The following GRIN1 variants were observed in gnomAD, a reference collection of about 807,000 sequenced individuals.
GRIN1 encodes glutamate receptor ionotropic, NMDA 1.
In GRIN1, 38 loss-of-function variants were observed where a neutral mutation model predicts 103.0. The ratio of observed to expected loss-of-function variants is 0.37; its 90% CI spans 0.28 to 0.48. The LOEUF (loss-of-function observed/expected upper bound fraction) is 0.48, where lower values mean the gene tolerates loss of function less well. GRIN1 is among the 20% of genes least tolerant of loss of function. The probability of loss-of-function intolerance (pLI) is 0.98; values close to 1 mark genes in which losing one functional copy is unlikely to be tolerated. For missense variants in GRIN1, 577 were observed against 1,288.9 expected (o/e 0.45, Z 8.46); for synonymous variants, 544 against 532.7 (o/e 1.02, Z -0.29).
At chr9:137,145,516 C>T (rs1832471529) in intron 2 of GRIN1, among the ~76,000 whole-genome samples, 1 of 82,802 alleles carries the variant, frequency 1.2e-5, no homozygotes, top group Non-Finnish European at 2.4e-5. Flanking sequence ...GAGGGGGTCC[C>T]AGGGTCTAGA....
At chr9:137,161,744 G>T (rs1833563729) in intron 10 of GRIN1, among the ~76,000 whole-genome samples, 180 bp from the exon 11 acceptor site, 1 of 150,918 alleles carries the variant, frequency 6.6e-6, no homozygotes, top group Non-Finnish European at 1.5e-5. Context: ...GGTGGGGCCC[G>T]CCCGGCGTGG....
Position 137,157,748 on chromosome 9 carries a change from A to G in GRIN1, c.969-631A>G, listed in dbSNP as rs537815270. Among the ~76,000 whole-genome samples, 10 of 152,376 alleles carry G rather than the reference A, an allele frequency of 6.6e-5. No individual in the cohort carries two copies. The South Asian group carries it at 1.9e-3, about 28-fold the overall frequency. On this transcript the variant is annotated intron_variant, in intron 6 of 19. Coordinates refer to ENST00000371561, the MANE Select transcript of GRIN1 (RefSeq NM_007327.4). The stretch of plus-strand genomic sequence containing the variant: ...TCCCCAACCACTGAGTAGCACGTGC[A>G]GAGCCACCATCCACAACGCCCACAT...
chr9:137,158,089 G>A (rs575317768), intron 6 of GRIN1, among the ~76,000 whole-genome samples: 4 of 152,326 alleles, frequency 2.6e-5, no homozygotes, highest in Middle Eastern at 3.4e-3. Flanking sequence ...TGAGGACAAC[G>A]TCCTAACCCA....
At chr9:137,164,528 C>G (rs774049382) in intron 18 of GRIN1, 1 of 174,474 alleles carries the variant, frequency 5.7e-6, no homozygotes, top group East Asian at 1.6e-4. Context: ...CTCTGGGTGC[C>G]GTCCTGGAGC....
At chr9:137,163,934 GC>G (rs759227835) in intron 18 of GRIN1, 30 bp downstream of exon 18, 3 of 1,610,328 alleles carry the variant, frequency 1.9e-6, no homozygotes, top group Non-Finnish European at 2.5e-6. Context: ...GAGGCCTGGT[GC>G]CCAGGGCCCG....
intron 19 of GRIN1, among the ~76,000 whole-genome samples, chr9:137,166,831 C>T (rs1416565806): frequency 6.6e-6 from 1 of 152,190 alleles, no homozygotes; most frequent in Non-Finnish European, 1.5e-5. Flanking sequence ...GGGGGAATAG[C>T]GCAGGGATCG....
chr9:137,142,809 C>T (rs4880216), intron 2 of GRIN1, among the ~76,000 whole-genome samples: 14 of 152,134 alleles, frequency 9.2e-5, no homozygotes, highest in South Asian at 2.1e-4. Context: ...AGCTCAGGGT[C>T]GGGGGCGCTG....
intron 4 of GRIN1, among the ~76,000 whole-genome samples, chr9:137,150,012 G>T (rs761345509): frequency 6.6e-5 from 10 of 152,244 alleles, no homozygotes; most frequent in Non-Finnish European, 1.2e-4. Context: ...GGTGGGGCCA[G>T]CCAGGGCTCC....
In GRIN1 at chr9:137,144,696, AG is replaced by A. The variant is rs546655285; in HGVS notation, c.394-1025del. 3.8e-3 allele frequency among the ~76,000 whole-genome samples: 475 copies of A among 124,134 alleles called. 10 individuals are homozygous for A. Among genetic ancestry groups the A allele is most frequent in the African/African-American group, 0.014 (447 of 31,244 alleles). The allele number at this position is 124,134 out of a possible 152,430, so 81.4% of individuals were successfully genotyped here. A position where few individuals can be genotyped will look rare whatever the true frequency, so the allele number is the denominator to read the frequency against. On this transcript the variant is annotated intron_variant, in intron 2 of 19. Coordinates refer to ENST00000371561, the MANE Select transcript of GRIN1 (RefSeq NM_007327.4). ...GGTGGGGACAGGGGTGGGAGACAGG[AG>A]GGGGTCCCAGGGTCTAGAAAGTGTC...
rs999161045 is a variant in GRIN1, at chr9:137,168,609, C to G, written c.*1082C>G. The G allele has an allele frequency of 3.0e-6, 1 of 330,988 alleles. No homozygotes were observed. The allele number at this position is 330,988 out of a possible 1,614,324, so 20.5% of individuals were successfully genotyped here. On this transcript the variant is annotated 3_prime_UTR_variant, in exon 20 of 20. Transcript: ENST00000371561. ...ACCGGCCCGCCACCTTGTACAGAAC[C>G]AGCACTCCCAGGGCCCGAGCGCGTG...
Position 137,163,244 on chromosome 9 carries a change from T to A in GRIN1, c.2247T>A (p.Thr749=), listed in dbSNP as rs754870278. The A allele has an allele frequency of 1.2e-6, 2 of 1,613,760 alleles. No homozygotes were observed. The highest frequency in any genetic ancestry group is 2.7e-5 in the African/African-American group (2 of 75,042). The change falls in exon 16 of 20, where the codon ACT becomes ACA. Residue 749 remains threonine (T), a synonymous_variant. Transcript: ENST00000371561. ...EASQKCDLVT[T]GELFFRSGFG... is the part of the protein sequence containing the mutation. ...CGCAGAAGTGCGACCTGGTGACGAC[T>A]GGAGAGCTGTTTTTCCGCTCGGGCT...
intron 18 of GRIN1, chr9:137,164,368 T>G: frequency 4.0e-6 from 1 of 251,420 alleles, no homozygotes; most frequent in South Asian, 4.5e-5. Flanking sequence ...CCAGGTCCGG[T>G]CCTGCCTGGT....
chr9:137,144,964 G>T (rs1426710640), intron 2 of GRIN1, among the ~76,000 whole-genome samples: 3 of 54,688 alleles, frequency 5.5e-5, no homozygotes, highest in South Asian at 1.0e-3. Context: ...TCCCCAGAGG[G>T]GTGGGGACAG....
At chr9:137,165,558 C>G (rs75761818) in intron 19 of GRIN1, 1 of 527,888 alleles carries the variant, frequency 1.9e-6, no homozygotes, top group African/African-American at 1.9e-5. Context: ...ATGACCCACA[C>G]GCCATCTTGA....
At chr9:137,160,935 G>T (rs1025880358) in intron 8 of GRIN1, 121 bp from the exon 9 acceptor site, 9 of 1,255,964 alleles carry the variant, frequency 7.2e-6, no homozygotes, top group Non-Finnish European at 1.0e-5. Context: ...CAGGGCGGGG[G>T]GTGTGAGGGG....
rs1588727065 is a variant in GRIN1, at chr9:137,161,150, T to C, written c.1292T>C (p.Val431Ala). ...KEEFTVNGDP[V>A]KKVICTGPND... ...GAGTTCACAGTCAACGGCGACCCAG[T>C]CAAGAAGGTGATCTGCACCGGGCCC... Residue 431 changes from valine (V) to alanine (A), a missense_variant, in exon 9 of 20, where the codon GTC becomes GCC. Around this residue, in one of 9 missense-constraint regions of GRIN1, gnomAD observed 96 missense variants for 145.0 expected, o/e 0.66. Transcript: ENST00000371561. 1 of 1,612,254 alleles carries C rather than the reference T, an allele frequency of 6.2e-7. No individual in the cohort carries two copies. The highest frequency in any genetic ancestry group is 1.3e-5 in the African/African-American group (1 of 74,860).
At chr9:137,142,991 G>C (rs1208620948) in intron 2 of GRIN1, among the ~76,000 whole-genome samples, 2 of 152,250 alleles carry the variant, frequency 1.3e-5, no homozygotes, top group Non-Finnish European at 2.9e-5. Flanking sequence ...AGAGCCATGG[G>C]GGCTTGCTCT....
chr9:137,163,439 G>T, intron 16 of GRIN1, 109 bp downstream of exon 16: 1 of 1,461,670 alleles, frequency 6.8e-7, no homozygotes, highest in South Asian at 1.1e-5. Flanking sequence ...CACCCAGGCC[G>T]GGCGCTGCCC....
chr9:137,157,713 C>T (rs1448036231), intron 6 of GRIN1, among the ~76,000 whole-genome samples: 2 of 152,236 alleles, frequency 1.3e-5, no homozygotes, highest in Non-Finnish European at 2.9e-5. Context: ...CATGCCAGCT[C>T]ACCCCCAGAT....
Sources: gnomAD v4.1 joint callset for allele counts (sites outside exome capture counted in the v4.1 genomes callset) on GRCh38, gnomAD v4.1.1 for gene constraint, gnomAD v4.1.1 regional missense constraint, MANE v1.5 for transcripts, NCBI Gene and HGNC (gene_info 2026-07-23, HGNC 2026-07-21) for gene names.